KSR2: variants seen among roughly 807,000 people sequenced by gnomAD.
KSR2 encodes kinase suppressor of ras 2.
A neutral mutation model predicts 107.8 loss-of-function variants in KSR2; 25 were observed. The observed-to-expected ratio is 0.23, with a 90% confidence interval of 0.17 to 0.32. The LOEUF (loss-of-function observed/expected upper bound fraction) is 0.32, where lower values mean the gene tolerates loss of function less well. Among genes scored for constraint, KSR2 ranks in the 10% least tolerant of loss-of-function variants. The pLI is 1.00. For missense variants in KSR2, 887 were observed against 1,268.9 expected (o/e 0.70, Z 4.57); for synonymous variants, 480 against 507.0 (o/e 0.95, Z 0.71).
intron 4 of KSR2, chr12:117,677,254 C>T (rs1036573510): frequency 6.6e-6 from 1 of 152,154 alleles, no homozygotes; most frequent in African/African-American, 2.4e-5. Context: ...GAAGTCCTAA[C>T]CCCTAGGACT....
At chr12:117,687,343 T>C (rs1885616626) in intron 4 of KSR2, among the ~76,000 whole-genome samples, 1 of 152,180 alleles carries the variant, frequency 6.6e-6, no homozygotes, top group Non-Finnish European at 1.5e-5. Context: ...CTACTGTGAC[T>C]CCAGGAAACA....
At chr12:117,534,362 T>G (rs1169015312) in intron 10 of KSR2, among the ~76,000 whole-genome samples, 1 of 152,148 alleles carries the variant, frequency 6.6e-6, no homozygotes, top group Non-Finnish European at 1.5e-5. Context: ...TTGGGCCCCT[T>G]CTTGTGGCTG....
intron 1 of KSR2, among the ~76,000 whole-genome samples, chr12:117,873,257 ATTGC>A: frequency 6.7e-6 from 1 of 149,516 alleles, no homozygotes; most frequent in Middle Eastern, 3.4e-3. Flanking sequence ...AGACAGGAGA[ATTGC>A]TTGAACCCGG....
chr12:117,559,563 G>A (rs1369224666), intron 7 of KSR2, among the ~76,000 whole-genome samples: 2 of 152,118 alleles, frequency 1.3e-5, no homozygotes, highest in African/African-American at 2.4e-5. Flanking sequence ...AAAGGTGGCC[G>A]CTCATTTTTC....
At position 117,656,981 on chromosome 12, in the gene KSR2, GATATATATATATATATAT is replaced by G. The variant is rs59605571; in HGVS notation, c.1171+10475_1171+10492del. On this transcript the variant is annotated intron_variant, in intron 5 of 19. Transcript: ENST00000339824. ...ATAATAGGATATATATATATAATAGGATATATATATATATATATATATATATATATATATCCTATTAGT... is the reference window on the plus strand; with the variant it reads ...ATAATAGGATATATATATATAATAGGATATATATATATATATCCTATTAGT... Among the ~76,000 whole-genome samples the G allele has an allele frequency of 1.4e-3, 138 of 98,202 alleles. 1 individual carries two copies. Among genetic ancestry groups the G allele is most frequent in the African/African-American group, 3.4e-3 (78 of 23,138 alleles). The allele number at this position is 98,202 out of a possible 152,430, so 64.4% of individuals were successfully genotyped here.
At chr12:117,927,247 A>G (rs2137482359) in intron 1 of KSR2, among the ~76,000 whole-genome samples, 1 of 151,926 alleles carries the variant, frequency 6.6e-6, no homozygotes, top group South Asian at 2.1e-4. Flanking sequence ...GTGGCGGTGC[A>G]TGCCTGTAAA....
chr12:117,815,112 G>A (rs1271579596), intron 3 of KSR2, among the ~76,000 whole-genome samples: 1 of 152,186 alleles, frequency 6.6e-6, no homozygotes, highest in Non-Finnish European at 1.5e-5. Flanking sequence ...TAGCCACAAA[G>A]GTCAGTTTGG....
At chr12:117,698,502 T>C (rs977120439) in intron 4 of KSR2, among the ~76,000 whole-genome samples, 5 of 152,118 alleles carry the variant, frequency 3.3e-5, no homozygotes, top group Non-Finnish European at 4.4e-5. Flanking sequence ...CCTTTGGTAT[T>C]TTTTGTAGAG....
At chr12:117,817,739 A>G (rs1358194914) in intron 3 of KSR2, among the ~76,000 whole-genome samples, 2 of 152,244 alleles carry the variant, frequency 1.3e-5, no homozygotes, top group Admixed American at 1.3e-4. Context: ...GGAGGCTATG[A>G]CAATGGATAA....
rs71099060 is a variant in KSR2, at chr12:117,595,351, C to CTTTTTT, written c.1172-12998_1172-12993dup. Among the ~76,000 whole-genome samples the CTTTTTT allele has an allele frequency of 7.7e-4, 73 of 94,588 alleles. 1 individual carries two copies. Among genetic ancestry groups the CTTTTTT allele is most frequent in the African/African-American group, 1.7e-3 (39 of 23,318 alleles). The allele number at this position is 94,588 out of a possible 152,430, so 62.1% of individuals were successfully genotyped here. A position where few individuals can be genotyped will look rare whatever the true frequency, so the allele number is the denominator to read the frequency against. On this transcript the variant is annotated intron_variant, in intron 5 of 19. Transcript: ENST00000339824. ...GCCCTAAACATTGCTAGATCAAATT[C>CTTTTTT]TTTTTTTTTTTTTTTTTTTTTTTTG...
intron 7 of KSR2, among the ~76,000 whole-genome samples, chr12:117,560,895 A>G (rs1334999245): frequency 1.3e-5 from 2 of 152,106 alleles, no homozygotes; most frequent in Non-Finnish European, 2.9e-5. Flanking sequence ...TCCTTCTGCT[A>G]TAAGACCTTA....
At chr12:117,959,695 C>A (rs575369764) in intron 1 of KSR2, among the ~76,000 whole-genome samples, 186 of 152,264 alleles carry the variant, frequency 1.2e-3, no homozygotes, top group Non-Finnish European at 2.4e-3. Context: ...CTTTGGGAGG[C>A]CAAGGCATGA....
intron 1 of KSR2, among the ~76,000 whole-genome samples, chr12:117,936,740 C>A (rs1361540076): frequency 6.6e-6 from 1 of 152,104 alleles, no homozygotes; most frequent in Non-Finnish European, 1.5e-5. Context: ...TGTCTGTCTC[C>A]CCCACCTAGA....
chr12:117,556,554 A>G (rs1322561460), intron 8 of KSR2, among the ~76,000 whole-genome samples: 3 of 152,210 alleles, frequency 2.0e-5, no homozygotes, highest in African/African-American at 7.2e-5. Flanking sequence ...TGCAACGATC[A>G]TCGAAAACCA....
chr12:117,705,406 G>T (rs750243262), intron 4 of KSR2, among the ~76,000 whole-genome samples: 9 of 152,212 alleles, frequency 5.9e-5, no homozygotes, highest in Non-Finnish European at 1.2e-4. Flanking sequence ...TGGAATCAGA[G>T]ACACAAGACA....
chr12:117,931,419 C>T (rs934801166), intron 1 of KSR2, among the ~76,000 whole-genome samples: 2 of 152,114 alleles, frequency 1.3e-5, no homozygotes, highest in African/African-American at 4.8e-5. Flanking sequence ...CACCATGGCT[C>T]GGATTCAGGT....
At chr12:117,777,620 C>T (rs1345756726) in intron 3 of KSR2, among the ~76,000 whole-genome samples, 3 of 152,176 alleles carry the variant, frequency 2.0e-5, no homozygotes, top group African/African-American at 4.8e-5. Context: ...TAATGAGGAT[C>T]GACTGTTGTT....
intron 4 of KSR2, among the ~76,000 whole-genome samples, chr12:117,708,244 C>A (rs960992434): frequency 1.3e-5 from 2 of 152,180 alleles, no homozygotes; most frequent in African/African-American, 4.8e-5. Context: ...ATAGTGATAA[C>A]TGAAACTGTT....
chr12:117,805,668 C>T (rs1285224039), intron 3 of KSR2, among the ~76,000 whole-genome samples: 2 of 152,188 alleles, frequency 1.3e-5, no homozygotes, highest in Middle Eastern at 3.2e-3. Flanking sequence ...CAGCAACATC[C>T]TCCAGAAGCT....
Sources: gnomAD v4.1 joint callset for allele counts (sites outside exome capture counted in the v4.1 genomes callset) on GRCh38, gnomAD v4.1.1 for gene constraint, MANE v1.5 for transcripts, NCBI Gene and HGNC (gene_info 2026-07-23, HGNC 2026-07-21) for gene names.